KIAA0513: variants seen among roughly 807,000 people sequenced by gnomAD.
KIAA0513 encodes KIAA0513.
A neutral mutation model predicts 56.5 loss-of-function variants in KIAA0513; 39 were observed. That is an observed-to-expected ratio of 0.69 (90% CI 0.53 to 0.90). The LOEUF (loss-of-function observed/expected upper bound fraction) is 0.90. Among genes scored for constraint, KIAA0513 ranks in the 40% least tolerant of loss-of-function variants. KIAA0513 has a pLI of 0.00. For missense variants in KIAA0513, 591 were observed against 535.2 expected (o/e 1.10, Z -1.03); for synonymous variants, 268 against 215.6 (o/e 1.24, Z -2.13).
intron 1 of KIAA0513, among the ~76,000 whole-genome samples, chr16:85,065,340 G>C (rs2073464552): frequency 6.6e-6 from 1 of 152,214 alleles, no homozygotes; most frequent in African/African-American, 2.4e-5. Context: ...TTGCTCTCCA[G>C]GTCCCTGAGC....
At chr16:85,082,293 ACG>A (rs1424379944) in intron 9 of KIAA0513, among the ~76,000 whole-genome samples, 2 of 152,044 alleles carry the variant, frequency 1.3e-5, no homozygotes, top group Non-Finnish European at 1.5e-5. Context: ...AGAGGGAAAG[ACG>A]CTGAGACTGC....
rs1175506314 is a variant in KIAA0513, at chr16:85,090,044, G to A, written c.*1719G>A. ...ACCATGCTGCCAGTGTGCTCGCCAT[G>A]AGCTGGGTCAGGGCTGGGGAGTTGT... is the stretch of plus-strand genomic sequence containing the variant. On this transcript the variant is annotated 3_prime_UTR_variant, in exon 13 of 13. Coordinates refer to ENST00000683363, the MANE Select transcript of KIAA0513 (RefSeq NM_001388359.1). The A allele has an allele frequency of 1.3e-5, 2 of 152,288 alleles. No homozygotes were observed. The highest frequency in any genetic ancestry group is 6.5e-5 in the Admixed American group (1 of 15,280). 9.4% of individuals were successfully genotyped at this position (152,288 alleles called of 1,614,324 possible).
chr16:85,063,607 T>C (rs754209962), intron 1 of KIAA0513: 1 of 152,238 alleles, frequency 6.6e-6, no homozygotes, highest in South Asian at 2.1e-4. Context: ...CAGAGAGACA[T>C]GGCCCTGCTA....
At chr16:85,034,832 C>A (rs2073012893) in intron 1 of KIAA0513, among the ~76,000 whole-genome samples, 2 of 152,182 alleles carry the variant, frequency 1.3e-5, no homozygotes, top group African/African-American at 4.8e-5. Context: ...TAACATGGCT[C>A]CATCACACAG....
At chr16:85,030,615 C>T (rs887129389) in intron 1 of KIAA0513, among the ~76,000 whole-genome samples, 1 of 151,806 alleles carries the variant, frequency 6.6e-6, no homozygotes, top group Non-Finnish European at 1.5e-5. Context: ...GGCATGGTGG[C>T]GGGTACCTGT....
intron 1 of KIAA0513, among the ~76,000 whole-genome samples, chr16:85,061,882 G>A (rs543985740): frequency 1.3e-5 from 2 of 152,278 alleles, no homozygotes; most frequent in African/African-American, 4.8e-5. Context: ...AGACCGCTGT[G>A]GCCTCTTTTC....
intron 1 of KIAA0513, among the ~76,000 whole-genome samples, chr16:85,034,953 C>A (rs1244644874): frequency 6.6e-6 from 1 of 152,308 alleles, no homozygotes; most frequent in South Asian, 2.1e-4. Flanking sequence ...ACCTTTGAGA[C>A]CCCCTGTCAC....
chr16:85,071,580 G>C (rs1239292840), intron 2 of KIAA0513, among the ~76,000 whole-genome samples: 1 of 152,302 alleles, frequency 6.6e-6, no homozygotes, highest in East Asian at 1.9e-4. Context: ...GATTCTCCAA[G>C]CCAGGCTCCT....
At position 85,078,999 on chromosome 16, in the gene KIAA0513, A is replaced by G. The variant is rs1188213605; in HGVS notation, c.898A>G (p.Ile300Val). Reference protein sequence around the residue: ...YLYTHLKQQPIWHTLRFWNAA... With the variant: ...YLYTHLKQQPVWHTLRFWNAA... ...GTACACGCACCTGAAGCAACAGCCCATCTGGTAAGGCCGAGCCCGCGGCTT... is the reference window on the plus strand; with the variant it reads ...GTACACGCACCTGAAGCAACAGCCCGTCTGGTAAGGCCGAGCCCGCGGCTT... Residue 300 changes from isoleucine to valine, a missense_variant, in exon 8 of 13, where the codon ATC becomes GTC. Ile to Val is a conservative substitution (Grantham distance 29). Coordinates refer to ENST00000683363, the MANE Select transcript of KIAA0513 (RefSeq NM_001388359.1). The G allele has an allele frequency of 1.2e-6, 2 of 1,614,180 alleles. No homozygotes were observed. The highest frequency in any genetic ancestry group is 1.7e-5 in the Admixed American group (1 of 60,030).
chr16:85,036,610 G>A (rs1437501725), intron 1 of KIAA0513, among the ~76,000 whole-genome samples: 1 of 152,162 alleles, frequency 6.6e-6, no homozygotes, highest in Non-Finnish European at 1.5e-5. Context: ...GCCTTTGATT[G>A]TGGGGTGGAC....
At chr16:85,064,347 G>A (rs1248415570) in intron 1 of KIAA0513, among the ~76,000 whole-genome samples, 1 of 152,006 alleles carries the variant, frequency 6.6e-6, no homozygotes, top group Non-Finnish European at 1.5e-5. Flanking sequence ...CATCTCCCCA[G>A]TTAGTCAGGA....
At position 85,044,511 on chromosome 16, in the gene KIAA0513, T is replaced by A. The variant is rs906043640; in HGVS notation, c.-173+16653T>A. 3.5e-3 allele frequency among the ~76,000 whole-genome samples: 435 copies of A among 124,086 alleles called. 4 individuals carry two copies. The highest frequency in any genetic ancestry group is 0.014 in the African/African-American group (367 of 25,778). The allele number at this position is 124,086 out of a possible 152,430, so 81.4% of individuals were successfully genotyped here. On this transcript the variant is annotated intron_variant, in intron 1 of 12. Coordinates refer to ENST00000683363, the MANE Select transcript of KIAA0513 (RefSeq NM_001388359.1). ...GTAATGCTCCTCCTTTTTATTTTTA[T>A]TTTTTTTTTTTTTTGAGACAGAGAC...
At chr16:85,083,537 C>G (rs561044260) in intron 10 of KIAA0513, among the ~76,000 whole-genome samples, 1 of 152,184 alleles carries the variant, frequency 6.6e-6, no homozygotes, top group Non-Finnish European at 1.5e-5. Context: ...CTTCCAGGAA[C>G]GAGTCAGCCC....
Position 85,048,489 on chromosome 16 carries a change from C to G in KIAA0513, c.-172-18411C>G, listed in dbSNP as rs150087852. On this transcript the variant is annotated intron_variant, in intron 1 of 12. Coordinates refer to ENST00000683363, the MANE Select transcript of KIAA0513 (RefSeq NM_001388359.1). ...GAATTTAGTGTCTCAAAGCAGATCTCTCTCTCTCTCTCTCTTTCTCTCACT... is the reference window on the plus strand; with the variant it reads ...GAATTTAGTGTCTCAAAGCAGATCTGTCTCTCTCTCTCTCTTTCTCTCACT... Among the ~76,000 whole-genome samples the G allele has an allele frequency of 1.1e-3, 165 of 152,028 alleles. 2 individuals carry two copies. The highest frequency in any genetic ancestry group is 3.4e-3 in the Middle Eastern group (1 of 294).
chr16:85,074,533 T>C (rs996629376), intron 4 of KIAA0513, among the ~76,000 whole-genome samples: 2 of 152,184 alleles, frequency 1.3e-5, no homozygotes, highest in African/African-American at 4.8e-5. Context: ...ACTTTCTCTC[T>C]TTCTCTTTGA....
At position 85,067,037 on chromosome 16, in the gene KIAA0513, C is replaced by T; in HGVS notation, c.-35C>T. 5 of 1,510,354 alleles carry T rather than the reference C, an allele frequency of 3.3e-6. No homozygotes were observed. Among genetic ancestry groups the T allele is most frequent in the Non-Finnish European group, 3.5e-6 (4 of 1,130,478 alleles). The allele number at this position is 1,510,354 out of a possible 1,614,324, so 93.6% of individuals were successfully genotyped here. The stretch of plus-strand genomic sequence containing the variant: ...CTGGGCTCCCCTCTAGGCAGCCTCC[C>T]CTCCAGGCAGCCTCACCAGCAGCTC... On this transcript the variant is annotated 5_prime_UTR_variant, in exon 2 of 13. Transcript: ENST00000683363.
chr16:85,057,780 T>A (rs2073350564), intron 1 of KIAA0513, among the ~76,000 whole-genome samples: 1 of 151,806 alleles, frequency 6.6e-6, no homozygotes, highest in Non-Finnish European at 1.5e-5. Context: ...TTTTTTTTTT[T>A]TTTCTCTCTC....
intron 2 of KIAA0513, among the ~76,000 whole-genome samples, chr16:85,071,427 G>C (rs562828763): frequency 1.3e-5 from 2 of 152,226 alleles, no homozygotes; most frequent in Non-Finnish European, 2.9e-5. Flanking sequence ...GAGAGCTGGA[G>C]AACCAAGACC....
In KIAA0513 at chr16:85,061,749, G is replaced by T. The variant is rs570375654; in HGVS notation, c.-172-5151G>T. ...AGCTCCATGGGGAAGTGGCAGAGCA[G>T]CCACACCGGGGCAATCTCGTGAGTT... On this transcript the variant is annotated intron_variant, in intron 1 of 12. Coordinates refer to ENST00000683363, the MANE Select transcript of KIAA0513 (RefSeq NM_001388359.1). Among the ~76,000 whole-genome samples, 3 of 152,322 alleles carry T rather than the reference G, an allele frequency of 2.0e-5. No homozygotes were observed. The South Asian group carries it at 6.2e-4, about 32-fold the overall frequency.
Sources: allele counts gnomAD v4.1 joint callset (sites outside exome capture counted in the v4.1 genomes callset), GRCh38; gene constraint gnomAD v4.1.1; transcripts MANE v1.5; gene names NCBI Gene and HGNC (gene_info 2026-07-23, HGNC 2026-07-21).